Variants in NCOA2 observed in about 807,000 individuals in gnomAD.
NCOA2 encodes nuclear receptor coactivator 2, also known as class E basic helix-loop-helix protein 75.
Under a neutral mutation model 145.1 loss-of-function variants are expected in NCOA2, and 21 were observed. The observed-to-expected ratio is 0.14, with a 90% CI of 0.10 to 0.21. The LOEUF is 0.21. Ranked by LOEUF, NCOA2 falls within the 10% of genes least tolerant of loss-of-function variation. The pLI is 1.00. For synonymous variants in NCOA2, 619 were observed against 637.5 expected (o/e 0.97, Z 0.44); for missense variants, 1,472 against 1,837.6 (o/e 0.80, Z 3.64).
At chr8:70,320,209 CTT>C in intron 1 of NCOA2, among the ~76,000 whole-genome samples, 1 of 152,026 alleles carries the variant, frequency 6.6e-6, no homozygotes, top group South Asian at 2.1e-4. Flanking sequence ...ATTTTGACAT[CTT>C]GTTTTTATAT....
At chr8:70,283,357 C>T (rs1826020925) in intron 2 of NCOA2, among the ~76,000 whole-genome samples, 1 of 152,124 alleles carries the variant, frequency 6.6e-6, no homozygotes. Flanking sequence ...TTAAAATGGT[C>T]ATTGATGAGT....
At chr8:70,442,142 AG>A in the NCOA2 span, among the ~76,000 whole-genome samples, 1 of 133,490 alleles carries the variant, frequency 7.5e-6, no homozygotes, top group South Asian at 2.6e-4. Context: ...AAAGAAAGAA[AG>A]AAAGAAAGAA....
At chr8:70,377,876 T>C (rs1475105317) in intron 1 of NCOA2, among the ~76,000 whole-genome samples, 2 of 152,196 alleles carry the variant, frequency 1.3e-5, no homozygotes, top group African/African-American at 2.4e-5. Context: ...TAATTATTTT[T>C]GTTTCCCAAG....
chr8:70,150,107 G>A (rs911074770), intron 11 of NCOA2, among the ~76,000 whole-genome samples: 5 of 152,202 alleles, frequency 3.3e-5, no homozygotes, highest in African/African-American at 1.2e-4. Context: ...GTTCTTCTCA[G>A]AGACAACTAG....
chr8:70,264,630 C>T (rs1376410112), intron 2 of NCOA2, among the ~76,000 whole-genome samples: 1 of 152,108 alleles, frequency 6.6e-6, no homozygotes, highest in East Asian at 1.9e-4. Flanking sequence ...GGATATTACC[C>T]TCATAGGTAA....
chr8:70,429,287 G>T, the NCOA2 span, among the ~76,000 whole-genome samples: 1 of 152,214 alleles, frequency 6.6e-6, no homozygotes, highest in South Asian at 2.1e-4. Context: ...GCTAAATGAA[G>T]GCAATTTCTC....
At chr8:70,128,208 T>C (rs184704704) in intron 18 of NCOA2, among the ~76,000 whole-genome samples, 2 of 152,368 alleles carry the variant, frequency 1.3e-5, no homozygotes, top group Non-Finnish European at 1.5e-5. Context: ...TAACTTTATG[T>C]AGCACAACTT....
At chr8:70,351,216 C>CCACGG (rs1040208501) in intron 1 of NCOA2, among the ~76,000 whole-genome samples, 8 of 152,174 alleles carry the variant, frequency 5.3e-5, no homozygotes, top group South Asian at 2.1e-4. Context: ...GGCATTGAAA[C>CCACGG]CACGGTAAAC....
chr8:70,350,509 C>T (rs1360642741), intron 1 of NCOA2, among the ~76,000 whole-genome samples: 3 of 152,162 alleles, frequency 2.0e-5, no homozygotes, highest in African/African-American at 7.2e-5. Flanking sequence ...ACACTTTTTC[C>T]TCTAAAGAGT....
At chr8:70,243,672 G>T (rs1016769409) in intron 2 of NCOA2, among the ~76,000 whole-genome samples, 8 of 151,500 alleles carry the variant, frequency 5.3e-5, no homozygotes, top group Non-Finnish European at 1.0e-4. Context: ...TTAACATATG[G>T]TGCTAGTGCT....
intron 21 of NCOA2, among the ~76,000 whole-genome samples, chr8:70,122,307 T>TGG (rs1212233832): frequency 6.6e-6 from 1 of 152,158 alleles, no homozygotes; most frequent in Non-Finnish European, 1.5e-5. Context: ...TGGAGTGCAG[T>TGG]GGTACAATCT....
chr8:70,337,035 G>A (rs192750716), intron 1 of NCOA2, among the ~76,000 whole-genome samples: 216 of 151,832 alleles, frequency 1.4e-3, no homozygotes, highest in Middle Eastern at 3.4e-3. Flanking sequence ...ATATACTGAC[G>A]GAGACAAGTT....
intron 4 of NCOA2, among the ~76,000 whole-genome samples, chr8:70,207,599 C>T (rs895135607): frequency 6.6e-6 from 1 of 152,116 alleles, no homozygotes; most frequent in Non-Finnish European, 1.5e-5. Flanking sequence ...TGTGGTGGCT[C>T]ATGCCTGTAA....
the NCOA2 span, among the ~76,000 whole-genome samples, chr8:70,451,231 A>ATATAT: frequency 5.2e-4 from 52 of 99,152 alleles, no homozygotes; most frequent in African/African-American, 1.8e-3. Flanking sequence ...AAAAAAAAAA[A>ATATAT]AAAAAAATAT....
chr8:70,135,198 C>T (rs1809594915), intron 15 of NCOA2, among the ~76,000 whole-genome samples: 1 of 152,170 alleles, frequency 6.6e-6, no homozygotes, highest in Non-Finnish European at 1.5e-5. Flanking sequence ...CCTTCCCACG[C>T]TCTTCTCCAG....
rs930163300 is a variant in NCOA2, at chr8:70,113,703, A to G, written c.4384-60T>C. Reference sequence around the variant, plus strand: ...TTTGAGGTTTTGAAAAAAACATCATAAAGCCCACCACAAAAACATCAAAAT... The same window carrying G: ...TTTGAGGTTTTGAAAAAAACATCATGAAGCCCACCACAAAAACATCAAAAT... On this transcript the variant is annotated intron_variant, in intron 22 of 22. Coordinates refer to ENST00000452400, the MANE Select transcript of NCOA2 (RefSeq NM_006540.4). The G allele has an allele frequency of 1.5e-5, 22 of 1,474,582 alleles. No individual in the cohort carries two copies. The African/African-American group carries it at 2.9e-4, about 20-fold the overall frequency. 91.3% of individuals were successfully genotyped at this position (1,474,582 alleles called of 1,614,324 possible). A position where few individuals can be genotyped will look rare whatever the true frequency, so the allele number is the denominator to read the frequency against.
intron 1 of NCOA2, among the ~76,000 whole-genome samples, chr8:70,316,626 C>A (rs1180290695): frequency 6.6e-6 from 1 of 152,152 alleles, no homozygotes; most frequent in Non-Finnish European, 1.5e-5. Flanking sequence ...GCCACATAAC[C>A]AAACGGAAAC....
At position 70,214,061 on chromosome 8, in the gene NCOA2, G is replaced by T; in HGVS notation, c.101C>A (p.Thr34Asn). The change falls in exon 4 of 23, where the codon ACT becomes AAT. Residue 34 changes from threonine to asparagine, a missense_variant. Coordinates refer to ENST00000452400, the MANE Select transcript of NCOA2 (RefSeq NM_006540.4). ...TTCCTGTTCACGATTACGTTTTTCA[G>T]TGTTCCTTTTGGGGCTTAAAAGAAG... ...DQLGPSPKRN[T>N]EKRNREQENK... The T allele has an allele frequency of 6.2e-7, 1 of 1,603,990 alleles. No homozygotes were observed. Among genetic ancestry groups the T allele is most frequent in the Non-Finnish European group, 8.5e-7 (1 of 1,177,814 alleles).
chr8:70,159,243 T>TATA lies in NCOA2; in HGVS notation c.1124+261_1124+262insTAT, dbSNP rs869045939. ...AACATTATATATATATATATATATA[T>TATA]TTTTTTTTTTTTCCCCCAAATATTT... is the stretch of plus-strand genomic sequence containing the variant. On this transcript the variant is annotated intron_variant, in intron 10 of 22. Coordinates refer to ENST00000452400, the MANE Select transcript of NCOA2 (RefSeq NM_006540.4). Among the ~76,000 whole-genome samples, 538 of 82,048 alleles carry TATA rather than the reference T, an allele frequency of 6.6e-3. 24 individuals carry two copies. Among genetic ancestry groups the TATA allele is most frequent in the African/African-American group, 0.018 (368 of 20,100 alleles). 53.8% of individuals were successfully genotyped at this position (82,048 alleles called of 152,430 possible).
Sources: allele counts gnomAD v4.1 joint callset (sites outside exome capture counted in the v4.1 genomes callset), GRCh38; gene constraint gnomAD v4.1.1; transcripts MANE v1.5; gene names NCBI Gene and HGNC (gene_info 2026-07-23, HGNC 2026-07-21).